Variants in POLR1B observed in about 807,000 individuals in gnomAD.
POLR1B encodes the protein DNA-directed RNA polymerase I subunit RPA2.
In POLR1B, 30 loss-of-function variants were observed where a neutral mutation model predicts 105.8. That is an observed-to-expected ratio of 0.28 (90% CI 0.21 to 0.38). The LOEUF is 0.38. Ranked by LOEUF, POLR1B falls within the 10% of genes least tolerant of loss-of-function variation. POLR1B has a pLI of 1.00. For missense variants in POLR1B, 976 were observed against 1,435.8 expected, an observed-to-expected ratio of 0.68 and a Z score of 5.17; for synonymous variants, 485 against 505.1, an observed-to-expected ratio of 0.96 and a Z score of 0.53.
At chr2:112,570,292 C>T (rs1319796923) in intron 12 of POLR1B, among the ~76,000 whole-genome samples, 4 of 152,120 alleles carry the variant, frequency 2.6e-5, no homozygotes, top group Admixed American at 6.5e-5. Flanking sequence ...AAGTGATCTG[C>T]CTGCCTCAGC....
chr2:112,542,407 G>C, upstream of POLR1B: 2 of 1,611,850 alleles, frequency 1.2e-6, no homozygotes, highest in Non-Finnish European at 8.5e-7. Flanking sequence ...CTGCGGAAAC[G>C]GGACTGCGGC....
chr2:112,568,962 C>A, intron 12 of POLR1B, 60 bp downstream of exon 12: 1 of 1,491,526 alleles, frequency 6.7e-7, no homozygotes, highest in Non-Finnish European at 9.2e-7. Flanking sequence ...TACTAGCACA[C>A]TCTTTTATTG....
chr2:112,550,740 G>T (rs1683323394), intron 4 of POLR1B, 126 bp from the exon 5 acceptor site: 1 of 956,712 alleles, frequency 1.0e-6, no homozygotes, highest in Non-Finnish European at 1.5e-6. Flanking sequence ...TTGATTGCCA[G>T]TCTTGGCTAA....
At chr2:112,561,927 C>T (rs1684010922) in intron 9 of POLR1B, among the ~76,000 whole-genome samples, 4 of 152,140 alleles carry the variant, frequency 2.6e-5, no homozygotes, top group Admixed American at 6.5e-5. Flanking sequence ...CTGCCTTGGC[C>T]TCCCAAAGTG....
chr2:112,566,849 C>T (rs557409256), intron 10 of POLR1B, among the ~76,000 whole-genome samples: 27 of 151,990 alleles, frequency 1.8e-4, no homozygotes, highest in African/African-American at 6.3e-4. Context: ...TCTCCTGCCT[C>T]GGTCTCCCAA....
At chr2:112,569,917 A>G (rs1314090593) in intron 12 of POLR1B, among the ~76,000 whole-genome samples, 1 of 151,900 alleles carries the variant, frequency 6.6e-6, no homozygotes, top group African/African-American at 2.4e-5. Flanking sequence ...CATTATTTTT[A>G]AAAACATTGC....
intron 3 of POLR1B, among the ~76,000 whole-genome samples, chr2:112,548,435 C>A (rs1316730884): frequency 6.6e-6 from 1 of 152,096 alleles, no homozygotes; most frequent in Non-Finnish European, 1.5e-5. Flanking sequence ...TCATAGTAGG[C>A]AATTCGTAAA....
intron 14 of POLR1B, 106 bp from the exon 15 acceptor site, chr2:112,574,741 A>ATTTTT: frequency 4.0e-6 from 4 of 1,006,334 alleles, no homozygotes; most frequent in Admixed American, 2.8e-5. Context: ...AAAAAAAAAA[A>ATTTTT]AAAAGTTTTA....
At chr2:112,567,865 A>G in intron 10 of POLR1B, 102 bp from the exon 11 acceptor site, 1 of 990,164 alleles carries the variant, frequency 1.0e-6, no homozygotes, top group Non-Finnish European at 1.5e-6. Flanking sequence ...GGCTTTTACC[A>G]TGGCTGAGTG....
intron 2 of POLR1B, 50 bp from the exon 3 acceptor site, chr2:112,547,371 G>T: frequency 4.4e-6 from 7 of 1,576,488 alleles, no homozygotes; most frequent in Non-Finnish European, 6.1e-6. Flanking sequence ...ATTTGTTCTC[G>T]TAAATGCAGA....
At chr2:112,562,634 T>C (rs542089020) in intron 9 of POLR1B, among the ~76,000 whole-genome samples, 28 of 152,238 alleles carry the variant, frequency 1.8e-4, no homozygotes, top group Admixed American at 7.8e-4. Context: ...ATCTTTTTGC[T>C]GGTGGAAGGT....
At chr2:112,557,669 T>C (rs915386063) in intron 7 of POLR1B, among the ~76,000 whole-genome samples, 3 of 152,200 alleles carry the variant, frequency 2.0e-5, no homozygotes, top group African/African-American at 7.2e-5. Context: ...CTTAGGCTCC[T>C]GGACTCAAGC....
intron 7 of POLR1B, among the ~76,000 whole-genome samples, chr2:112,556,330 T>TA (rs1368844660): frequency 6.6e-6 from 1 of 152,216 alleles, no homozygotes; most frequent in Non-Finnish European, 1.5e-5. Context: ...ATCTGTACAT[T>TA]ACAGATTTTT....
In POLR1B at chr2:112,575,725, T is replaced by A; in HGVS notation, c.3404T>A (p.Val1135Asp). 6.2e-7 allele frequency: 1 copy of A among 1,607,222 alleles called. No homozygotes were observed. Among genetic ancestry groups the A allele is most frequent in the Non-Finnish European group, 8.5e-7 (1 of 1,176,246 alleles). The stretch of plus-strand genomic sequence containing the variant: ...AACATCAAAGTGAAACTGGATGTTG[T>A]TTAACTTGATGTTGACCTTTTGGAT... ...AMNIKVKLDVV is the reference protein window; with the variant it reads ...AMNIKVKLDVD The change falls in exon 15 of 15, where the codon GTT becomes GAT. Residue 1135 changes from valine to aspartate, a missense_variant. Val to Asp is a radical substitution (Grantham distance 152, BLOSUM62 -3). Transcript: ENST00000263331. The surrounding 1 kb of genome is among the most constrained non-coding windows in gnomAD (Gnocchi z 5.3).
Position 112,568,179 on chromosome 2 carries a change from G to C in POLR1B, c.1917+42G>C, listed in dbSNP as rs202174162. The stretch of plus-strand genomic sequence containing the variant: ...GATGGATGAGTGTATGTGCTTGTTT[G>C]TATAGTATACAACTTTCAGAGACTT... On this transcript the variant is annotated intron_variant, in intron 11 of 14. Coordinates refer to ENST00000263331, the MANE Select transcript of POLR1B (RefSeq NM_019014.6). 4.2e-5 allele frequency: 66 copies of C among 1,560,362 alleles called. No homozygotes were observed. In the African/African-American group the frequency reaches 8.1e-4, roughly 19 times the overall value.
chr2:112,543,379 A>T (rs1372439078), intron 1 of POLR1B, among the ~76,000 whole-genome samples: 2 of 54,170 alleles, frequency 3.7e-5, no homozygotes, highest in African/African-American at 1.4e-4. Context: ...GAAGGGGTGA[A>T]GATAATGAAA....
intron 9 of POLR1B, among the ~76,000 whole-genome samples, chr2:112,560,060 G>A (rs1185026564): frequency 6.6e-6 from 1 of 151,876 alleles, no homozygotes; most frequent in African/African-American, 2.4e-5. Context: ...GTAGAAGGCC[G>A]AATGCATTCT....
At position 112,568,019 on chromosome 2, in the gene POLR1B, T is replaced by C; in HGVS notation, c.1799T>C (p.Met600Thr). Reference sequence around the variant, plus strand: ...TGGATGGAAGTGGTCCTTATACCCATGACAGGAAAACCAAGTCTGTACCCA... The same window carrying C: ...TGGATGGAAGTGGTCCTTATACCCACGACAGGAAAACCAAGTCTGTACCCA... ...PPWMEVVLIP[M>T]TGKPSLYPGL... The change falls in exon 11 of 15, where the codon ATG becomes ACG. Residue 600 changes from methionine to threonine, a missense_variant. By Grantham distance (81) the Met-to-Thr change is moderately conservative. Transcript: ENST00000263331. 2 of 1,614,138 alleles carry C rather than the reference T, an allele frequency of 1.2e-6. No individual in the cohort carries two copies. Among genetic ancestry groups the C allele is most frequent in the Non-Finnish European group, 1.7e-6 (2 of 1,179,970 alleles).
At chr2:112,556,028 G>A (rs536031846) in intron 7 of POLR1B, among the ~76,000 whole-genome samples, 17 of 151,948 alleles carry the variant, frequency 1.1e-4, no homozygotes, top group Admixed American at 1.1e-3. Context: ...ACATAGTTAT[G>A]AAAAAAAAGG....
Sources: allele counts gnomAD v4.1 joint callset (sites outside exome capture counted in the v4.1 genomes callset), GRCh38; gene constraint gnomAD v4.1.1; non-coding constraint Gnocchi (gnomAD v3.1); transcripts MANE v1.5; gene names NCBI Gene and HGNC (gene_info 2026-07-23, HGNC 2026-07-21).